Variants in YWHAG observed in about 807,000 individuals in gnomAD.
YWHAG encodes the protein 14-3-3 protein gamma.
Under a neutral mutation model 23.3 loss-of-function variants are expected in YWHAG, and 1 was observed. That is an observed-to-expected ratio of 0.04 (90% CI 0.02 to 0.20). The LOEUF (loss-of-function observed/expected upper bound fraction) is 0.20. Ranked by LOEUF, YWHAG falls within the 10% of genes least tolerant of loss-of-function variation. The pLI is 1.00. For synonymous variants in YWHAG, 160 were observed against 144.0 expected (o/e 1.11, Z -0.80); for missense variants, 151 against 338.6 (o/e 0.45, Z 4.35).
chr7:76,357,787 T>C lies in YWHAG; in HGVS notation c.87+935A>G, dbSNP rs976056466. Among the ~76,000 whole-genome samples, 48 of 152,350 alleles carry C rather than the reference T, an allele frequency of 3.2e-4. 1 individual carries two copies. Among genetic ancestry groups the C allele is most frequent in the Non-Finnish European group, 5.9e-5 (4 of 68,030 alleles). On this transcript the variant is annotated intron_variant, in intron 1 of 1. Transcript: ENST00000307630. ...CAAATGCAGAATCTTCTGGAATGAC[T>C]TGATACTGCCTCTCACCACGGCTTT...
chr7:76,344,536 G>A (rs142170966), intron 1 of YWHAG, among the ~76,000 whole-genome samples: 5 of 152,134 alleles, frequency 3.3e-5, no homozygotes, highest in East Asian at 3.9e-4. Flanking sequence ...AAATTAGTTC[G>A]ATCAAAATTA....
intron 1 of YWHAG, among the ~76,000 whole-genome samples, chr7:76,345,053 G>A (rs1311540486): frequency 6.6e-6 from 1 of 152,130 alleles, no homozygotes; most frequent in African/African-American, 2.4e-5. Flanking sequence ...CCAAGATTTA[G>A]GTGAGGGAGG....
intron 1 of YWHAG, among the ~76,000 whole-genome samples, chr7:76,336,350 G>A (rs961394848): frequency 2.6e-5 from 4 of 152,146 alleles, no homozygotes; most frequent in Admixed American, 2.6e-4. Context: ...CCTCTGGTGG[G>A]GGCTGCTGAG....
chr7:76,352,394 C>T (rs1007159473), intron 1 of YWHAG, among the ~76,000 whole-genome samples: 2 of 152,108 alleles, frequency 1.3e-5, no homozygotes, highest in African/African-American at 4.8e-5. Flanking sequence ...GGATCAGTGA[C>T]TCCTCTTCAG....
chr7:76,358,356 G>A (rs900267769), intron 1 of YWHAG, among the ~76,000 whole-genome samples: 11 of 152,136 alleles, frequency 7.2e-5, no homozygotes, highest in African/African-American at 2.4e-4. Context: ...CCACGCCCAG[G>A]CTAGGAGGAG....
At chr7:76,341,517 T>C (rs1235877072) in intron 1 of YWHAG, among the ~76,000 whole-genome samples, 1 of 151,684 alleles carries the variant, frequency 6.6e-6, no homozygotes, top group African/African-American at 2.4e-5. Flanking sequence ...GAGGAACGGC[T>C]GAACAAAACG....
chr7:76,331,878 G>T (rs1271586532), intron 1 of YWHAG, among the ~76,000 whole-genome samples: 1 of 151,948 alleles, frequency 6.6e-6, no homozygotes, highest in African/African-American at 2.4e-5. Context: ...TAAACGGGGG[G>T]TATGCTTGGC....
chr7:76,340,581 A>G (rs1803677868), intron 1 of YWHAG, among the ~76,000 whole-genome samples: 1 of 152,196 alleles, frequency 6.6e-6, no homozygotes, highest in Non-Finnish European at 1.5e-5. Context: ...ATTAAGTATC[A>G]TTATTCCTAA....
At position 76,329,407 on chromosome 7, in the gene YWHAG, G is replaced by A; in HGVS notation, c.*170C>T. ...ACAGCTAGCCTGACTTTCCACTAGTGGTATTTTGGCAAAAATGTCAAAGAG... is the reference window on the plus strand; with the variant it reads ...ACAGCTAGCCTGACTTTCCACTAGTAGTATTTTGGCAAAAATGTCAAAGAG... On this transcript the variant is annotated 3_prime_UTR_variant, in exon 2 of 2. Coordinates refer to ENST00000307630, the MANE Select transcript of YWHAG (RefSeq NM_012479.4). This position sits in a 1 kb window ranked among gnomAD's most constrained non-coding sequence, Gnocchi z 6.1. 1.2e-6 allele frequency: 1 copy of A among 813,108 alleles called. No individual in the cohort carries two copies. The highest frequency in any genetic ancestry group is 2.7e-5 in the East Asian group (1 of 36,986). 50.4% of individuals were successfully genotyped at this position (813,108 alleles called of 1,614,324 possible).
At position 76,329,455 on chromosome 7, in the gene YWHAG, G is replaced by A. The variant is rs534830028; in HGVS notation, c.*122C>T. On this transcript the variant is annotated 3_prime_UTR_variant, in exon 2 of 2. Transcript: ENST00000307630. The surrounding 1 kb of genome is among the most constrained non-coding windows in gnomAD (Gnocchi z 6.1). ...GAGGCGATCAAAGACAGGACAGGTCGTGGGTTTCTCCCTGGGAAGGTCATC... is the reference window on the plus strand; with the variant it reads ...GAGGCGATCAAAGACAGGACAGGTCATGGGTTTCTCCCTGGGAAGGTCATC... The A allele has an allele frequency of 1.6e-5, 20 of 1,248,376 alleles. No homozygotes were observed. The highest frequency in any genetic ancestry group is 2.9e-5 in the Admixed American group (1 of 35,010). The allele number at this position is 1,248,376 out of a possible 1,614,324, so 77.3% of individuals were successfully genotyped here.
intron 1 of YWHAG, among the ~76,000 whole-genome samples, chr7:76,354,075 A>C (rs1295551010): frequency 6.1e-5 from 9 of 147,708 alleles, no homozygotes; most frequent in African/African-American, 2.2e-4. Context: ...AAAAAAAACA[A>C]AAAACAAGCA....
chr7:76,344,698 T>C (rs1266876384), intron 1 of YWHAG, among the ~76,000 whole-genome samples: 3 of 152,186 alleles, frequency 2.0e-5, no homozygotes. Flanking sequence ...CCACTTCCAT[T>C]ATCCCAAGGC....
chr7:76,328,339 T>A lies in YWHAG; in HGVS notation c.*1238A>T, dbSNP rs1190076311. On this transcript the variant is annotated 3_prime_UTR_variant, in exon 2 of 2. Transcript: ENST00000307630. ...TCAAATAGGAGTTCAGTGTTTGTTA[T>A]CTGGTAACAGTTTTTTTATCTTCCT... 1 of 152,230 alleles carries A rather than the reference T, an allele frequency of 6.6e-6. No homozygotes were observed. Among genetic ancestry groups the A allele is most frequent in the African/African-American group, 2.4e-5 (1 of 41,444 alleles). The allele number at this position is 152,230 out of a possible 1,614,324, so 9.4% of individuals were successfully genotyped here.
At chr7:76,348,755 G>A (rs959051194) in intron 1 of YWHAG, among the ~76,000 whole-genome samples, 6 of 151,474 alleles carry the variant, frequency 4.0e-5, no homozygotes, top group Non-Finnish European at 8.8e-5. Flanking sequence ...GGCCAGGCTG[G>A]TCTCAAACTC....
At chr7:76,354,140 T>G (rs1340228094) in intron 1 of YWHAG, among the ~76,000 whole-genome samples, 2 of 151,954 alleles carry the variant, frequency 1.3e-5, no homozygotes, top group African/African-American at 4.8e-5. Flanking sequence ...CTAAGTAACT[T>G]TCAAAAGAAG....
chr7:76,355,562 C>T (rs1803941178), intron 1 of YWHAG, among the ~76,000 whole-genome samples: 1 of 152,126 alleles, frequency 6.6e-6, no homozygotes, highest in Non-Finnish European at 1.5e-5. Flanking sequence ...GGCAGAACTC[C>T]ACCTCTGAAG....
Position 76,329,489 on chromosome 7 carries a change from T to TACCAGC in YWHAG, c.*87_*88insGCTGGT. ...TCCCTGGGAAGGTCATCCCTCCCTT[T>TACCAGC]CCCTCCCCCACCCGACCCCCAACTC... On this transcript the variant is annotated 3_prime_UTR_variant, in exon 2 of 2. Coordinates refer to ENST00000307630, the MANE Select transcript of YWHAG (RefSeq NM_012479.4). The surrounding 1 kb of genome is among the most constrained non-coding windows in gnomAD (Gnocchi z 6.1). The TACCAGC allele has an allele frequency of 9.8e-7, 1 of 1,024,228 alleles. No individual in the cohort carries two copies. Among genetic ancestry groups the TACCAGC allele is most frequent in the Non-Finnish European group, 1.4e-6 (1 of 740,082 alleles). The allele number at this position is 1,024,228 out of a possible 1,614,324, so 63.4% of individuals were successfully genotyped here. A position where few individuals can be genotyped will look rare whatever the true frequency, so the allele number is the denominator to read the frequency against.
intron 1 of YWHAG, among the ~76,000 whole-genome samples, chr7:76,358,148 C>A (rs1464971024): frequency 6.6e-6 from 1 of 152,176 alleles, no homozygotes; most frequent in South Asian, 2.1e-4. Flanking sequence ...CGATTTTGCA[C>A]CACGGAGCTC....
chr7:76,354,290 C>T (rs1276549925), intron 1 of YWHAG, among the ~76,000 whole-genome samples: 1 of 152,126 alleles, frequency 6.6e-6, no homozygotes, highest in African/African-American at 2.4e-5. Context: ...GTGGGCAGAT[C>T]ACCTGAAGTC....
Sources: gnomAD v4.1 joint callset for allele counts (sites outside exome capture counted in the v4.1 genomes callset) on GRCh38, gnomAD v4.1.1 for gene constraint, Gnocchi (gnomAD v3.1) non-coding constraint, MANE v1.5 for transcripts, NCBI Gene and HGNC (gene_info 2026-07-23, HGNC 2026-07-21) for gene names.